The following CUL1 variants were observed in gnomAD, a reference collection of about 807,000 sequenced individuals.
CUL1 encodes the protein cullin 1.
Under a neutral mutation model 118.0 loss-of-function variants are expected in CUL1, and 24 were observed. The observed-to-expected ratio is 0.20, with a 90% CI of 0.15 to 0.29. CUL1 has a LOEUF of 0.29. Ranked by LOEUF, CUL1 falls within the 10% of genes least tolerant of loss-of-function variation. CUL1 has a pLI of 1.00. For synonymous variants in CUL1, 332 were observed against 340.4 expected (o/e 0.98, Z 0.27); for missense variants, 361 against 933.8 (o/e 0.39, Z 7.99).
chr7:148,765,204 G>A (rs1799967713), intron 7 of CUL1, among the ~76,000 whole-genome samples: 1 of 152,112 alleles, frequency 6.6e-6, no homozygotes, highest in Non-Finnish European at 1.5e-5. Flanking sequence ...TTAAACAGTT[G>A]TCCCATTATT....
At chr7:148,723,532 ATCAC>A (rs1798462504) in intron 1 of CUL1, among the ~76,000 whole-genome samples, 1 of 152,218 alleles carries the variant, frequency 6.6e-6, no homozygotes. Flanking sequence ...GTGTTTATCA[ATCAC>A]TCAAGTAAGC....
intron 2 of CUL1, among the ~76,000 whole-genome samples, chr7:148,734,515 G>A (rs910555223): frequency 6.6e-6 from 1 of 152,162 alleles, no homozygotes; most frequent in Non-Finnish European, 1.5e-5. Context: ...AAATGCTGGG[G>A]TGACAGGTAT....
chr7:148,717,042 A>AG (rs1224478948), intron 1 of CUL1, among the ~76,000 whole-genome samples: 10 of 122,164 alleles, frequency 8.2e-5, no homozygotes, highest in South Asian at 6.4e-4. Flanking sequence ...TTTGTTTTTC[A>AG]TTTTTGTTTT....
rs374538862 is a variant in CUL1, at chr7:148,800,173, G to C, written c.2251-329G>C. ...CCCTGTTCATGGCCTCTTCTTGTGAGACTGAGTCCTGCCGCAGAGGCAGGC... is the reference window on the plus strand; with the variant it reads ...CCCTGTTCATGGCCTCTTCTTGTGACACTGAGTCCTGCCGCAGAGGCAGGC... On this transcript the variant is annotated intron_variant, in intron 21 of 21. Coordinates refer to ENST00000325222, the MANE Select transcript of CUL1 (RefSeq NM_003592.3). The surrounding 1 kb of genome is among the most constrained non-coding windows in gnomAD (Gnocchi z 4.6). Among the ~76,000 whole-genome samples, 1 of 152,300 alleles carries C rather than the reference G, an allele frequency of 6.6e-6. No homozygotes were observed. The highest frequency in any genetic ancestry group is 1.9e-4 in the East Asian group (1 of 5,176).
intron 2 of CUL1, among the ~76,000 whole-genome samples, chr7:148,748,248 A>T (rs1163079892): frequency 6.6e-6 from 1 of 152,240 alleles, no homozygotes; most frequent in Admixed American, 6.5e-5. Flanking sequence ...CGTCTATCAG[A>T]TAATACTAGA....
rs76857505 is a variant in CUL1, at chr7:148,762,399, T to G, written c.789+1903T>G. Among the ~76,000 whole-genome samples, 787 of 152,290 alleles carry G rather than the reference T, an allele frequency of 5.2e-3. 5 individuals carry two copies. The highest frequency in any genetic ancestry group is 8.2e-3 in the Non-Finnish European group (558 of 68,018). On this transcript the variant is annotated intron_variant, in intron 7 of 21. Coordinates refer to ENST00000325222, the MANE Select transcript of CUL1 (RefSeq NM_003592.3). ...CTGCTATCTCAAAATCTAACAAAAA[T>G]GGAACTATTCGGGGTATTATACTTG...
intron 2 of CUL1, among the ~76,000 whole-genome samples, chr7:148,738,407 G>C (rs948951028): frequency 6.6e-6 from 1 of 152,170 alleles, no homozygotes; most frequent in African/African-American, 2.4e-5. Context: ...ACAGAAGCAT[G>C]CCTTGGCAGA....
intron 9 of CUL1, among the ~76,000 whole-genome samples, chr7:148,769,448 C>CACACACAA (rs991930977): frequency 3.8e-5 from 5 of 131,180 alleles, no homozygotes; most frequent in African/African-American, 5.6e-5. Context: ...CACACACACA[C>CACACACAA]AAAACGCTCA....
chr7:148,745,262 A>G (rs1027711988), intron 2 of CUL1, among the ~76,000 whole-genome samples: 5 of 151,942 alleles, frequency 3.3e-5, no homozygotes, highest in African/African-American at 1.2e-4. Context: ...ATATTTTTCT[A>G]TATCTTTTAT....
intron 1 of CUL1, among the ~76,000 whole-genome samples, chr7:148,707,822 A>G (rs1797934896): frequency 7.2e-5 from 11 of 152,100 alleles, no homozygotes; most frequent in Admixed American, 6.6e-4. Context: ...GCACTCTTAG[A>G]TTTGTACTTG....
At chr7:148,797,475 G>C (rs1278789170) in intron 17 of CUL1, among the ~76,000 whole-genome samples, 1 of 151,046 alleles carries the variant, frequency 6.6e-6, no homozygotes, top group Non-Finnish European at 1.5e-5. Context: ...TGTAAATCCA[G>C]TGCAGTATTC....
intron 2 of CUL1, among the ~76,000 whole-genome samples, chr7:148,741,803 G>A (rs1173274063): frequency 6.6e-6 from 1 of 152,130 alleles, no homozygotes; most frequent in East Asian, 1.9e-4. Context: ...CGAGCTCCTG[G>A]CCTCAAGTGA....
In CUL1 at chr7:148,799,559, A is replaced by C. The variant is rs186391850; in HGVS notation, c.2250+171A>C. 5.2e-3 allele frequency among the ~76,000 whole-genome samples: 793 copies of C among 152,348 alleles called. 5 individuals are homozygous for C. Among genetic ancestry groups the C allele is most frequent in the Middle Eastern group, 0.01 (3 of 294 alleles). ...GTTTAACTGTTGAAACACACATACA[A>C]AGTGCACAGATGATGAAGTGCCAGC... On this transcript the variant is annotated intron_variant, in intron 21 of 21. Transcript: ENST00000325222.
At chr7:148,778,097 A>AAAAAAAAAAAAAAC (rs1800474885) in intron 9 of CUL1, among the ~76,000 whole-genome samples, 1 of 58,384 alleles carries the variant, frequency 1.7e-5, no homozygotes, top group African/African-American at 8.4e-5. Context: ...AAAAAAAAAA[A>AAAAAAAAAAAAAAC]GAAGAAGAAG....
intron 1 of CUL1, among the ~76,000 whole-genome samples, chr7:148,713,843 C>G (rs981873047): frequency 1.3e-5 from 2 of 152,194 alleles, no homozygotes; most frequent in African/African-American, 2.4e-5. Flanking sequence ...CCTGCTTCAG[C>G]CTCCCAAGTA....
intron 9 of CUL1, among the ~76,000 whole-genome samples, chr7:148,781,586 T>C (rs769057503): frequency 2.6e-5 from 4 of 152,212 alleles, no homozygotes; most frequent in Non-Finnish European, 5.9e-5. Context: ...TGAGGAAAAA[T>C]GGCCAAAACA....
At chr7:148,792,248 T>C (rs1326116837) in intron 16 of CUL1, among the ~76,000 whole-genome samples, 1 of 152,184 alleles carries the variant, frequency 6.6e-6, no homozygotes, top group Non-Finnish European at 1.5e-5. Context: ...ACTTTTTTCA[T>C]ACTTTCATAG....
chr7:148,710,248 A>C (rs1255472070), intron 1 of CUL1, among the ~76,000 whole-genome samples: 1 of 152,152 alleles, frequency 6.6e-6, no homozygotes, highest in Non-Finnish European at 1.5e-5. Flanking sequence ...AACTACAAAG[A>C]AAGGTGCATC....
chr7:148,767,609 C>T lies in CUL1; in HGVS notation c.953-10C>T, dbSNP rs1446266788. 6.2e-7 allele frequency: 1 copy of T among 1,612,882 alleles called. No homozygotes were observed. Among genetic ancestry groups the T allele is most frequent in the Non-Finnish European group, 8.5e-7 (1 of 1,179,680 alleles). On this transcript the variant is annotated splice_polypyrimidine_tract_variant and intron_variant, in intron 8 of 21. Coordinates refer to ENST00000325222, the MANE Select transcript of CUL1 (RefSeq NM_003592.3). ...TTTCAGTGCATAAAAGGGGTTTCTT[C>T]CTCTTTCAGATTTGGGACGCATGTA...
Sources: gnomAD v4.1 joint callset for allele counts (sites outside exome capture counted in the v4.1 genomes callset) on GRCh38, gnomAD v4.1.1 for gene constraint, Gnocchi (gnomAD v3.1) non-coding constraint, MANE v1.5 for transcripts, NCBI Gene and HGNC (gene_info 2026-07-23, HGNC 2026-07-21) for gene names.